The following BEND7 variants were observed in gnomAD, a reference collection of about 807,000 sequenced individuals.
BEND7 encodes the protein BEN domain containing 7.
A neutral mutation model predicts 50.9 loss-of-function variants in BEND7; 28 were observed. That is an observed-to-expected ratio of 0.55 (90% confidence interval 0.41 to 0.75). BEND7 has a LOEUF of 0.75. Among genes scored for constraint, BEND7 ranks in the 30% least tolerant of loss-of-function variants. The pLI is 0.00. For synonymous variants in BEND7, 170 were observed against 183.9 expected (o/e 0.92, Z 0.61); for missense variants, 477 against 491.3 (o/e 0.97, Z 0.28).
intron 2 of BEND7, among the ~76,000 whole-genome samples, chr10:13,506,605 T>C (rs181680869): frequency 6.6e-6 from 1 of 152,148 alleles, no homozygotes; most frequent in African/African-American, 2.4e-5. Flanking sequence ...CATATAAGGA[T>C]AGTAAATAAT....
At chr10:13,454,246 T>G (rs1011285987) in intron 6 of BEND7, among the ~76,000 whole-genome samples, 2 of 152,140 alleles carry the variant, frequency 1.3e-5, no homozygotes, top group African/African-American at 2.4e-5. Flanking sequence ...AGCACCCACA[T>G]GGAGATAGCA....
intron 5 of BEND7, among the ~76,000 whole-genome samples, chr10:13,485,713 A>C (rs187403322): frequency 6.6e-6 from 1 of 152,328 alleles, no homozygotes; most frequent in African/African-American, 2.4e-5. Flanking sequence ...AATGTGCTTC[A>C]GTTTAAGAAA....
At chr10:13,472,511 G>T (rs1044277530) in intron 6 of BEND7, among the ~76,000 whole-genome samples, 1 of 150,728 alleles carries the variant, frequency 6.6e-6, no homozygotes, top group East Asian at 2.0e-4. Flanking sequence ...CGTCATCATT[G>T]TTAGACTTGG....
intron 2 of BEND7, among the ~76,000 whole-genome samples, chr10:13,503,497 G>A (rs919402759): frequency 2.6e-5 from 4 of 152,172 alleles, no homozygotes; most frequent in African/African-American, 7.2e-5. Context: ...TGGATCACCC[G>A]AGATCTGGAA....
intron 8 of BEND7, chr10:13,445,307 C>G (rs755079060): frequency 5.9e-5 from 9 of 152,132 alleles, no homozygotes; most frequent in African/African-American, 1.7e-4. Flanking sequence ...TGCAGTGAAC[C>G]GGGCCGACTG....
intron 6 of BEND7, among the ~76,000 whole-genome samples, chr10:13,472,663 C>G (rs2074993453): frequency 6.6e-6 from 1 of 151,960 alleles, no homozygotes; most frequent in African/African-American, 2.4e-5. Flanking sequence ...TACCCATCAT[C>G]ACTGTTAGAC....
intron 5 of BEND7, among the ~76,000 whole-genome samples, chr10:13,487,388 C>CTTT (rs930230162): frequency 1.6e-5 from 2 of 122,798 alleles, no homozygotes; most frequent in South Asian, 4.7e-4. Context: ...CTTTTCTTTT[C>CTTT]TTTTTTTTTT....
intron 6 of BEND7, among the ~76,000 whole-genome samples, chr10:13,466,624 CATTT>C (rs2074277745): frequency 6.6e-6 from 1 of 151,890 alleles, no homozygotes; most frequent in Non-Finnish European, 1.5e-5. Context: ...TCGTATAACT[CATTT>C]ATTTATTTTA....
chr10:13,482,552 C>T (rs950841132), intron 5 of BEND7, among the ~76,000 whole-genome samples: 2 of 152,190 alleles, frequency 1.3e-5, no homozygotes, highest in African/African-American at 4.8e-5. Context: ...CACCTATGGT[C>T]AAAGTAAACA....
chr10:13,472,040 T>C (rs2074903127), intron 6 of BEND7, among the ~76,000 whole-genome samples: 2 of 152,190 alleles, frequency 1.3e-5, no homozygotes, highest in South Asian at 2.1e-4. Context: ...TCGATACCCG[T>C]CATCACTGTT....
At chr10:13,488,575 A>AC (rs2076413713) in intron 5 of BEND7, among the ~76,000 whole-genome samples, 2 of 151,096 alleles carry the variant, frequency 1.3e-5, no homozygotes, top group African/African-American at 4.9e-5. Context: ...GCAATCTTCG[A>AC]CTCCCGGGTT....
chr10:13,439,275 G>GT, downstream of BEND7: 1 of 1,614,222 alleles, frequency 6.2e-7, no homozygotes, highest in Non-Finnish European at 8.5e-7. Context: ...TGAGACCTGA[G>GT]TTATGAGGAA....
At chr10:13,518,442 C>A (rs2078855729) in intron 2 of BEND7, among the ~76,000 whole-genome samples, 1 of 152,216 alleles carries the variant, frequency 6.6e-6, no homozygotes, top group African/African-American at 2.4e-5. Context: ...GCTTTATGTC[C>A]TTAAATTAAG....
Position 13,441,362 on chromosome 10 carries a change from A to T in BEND7, c.*381T>A, listed in dbSNP as rs1364323050. On this transcript the variant is annotated 3_prime_UTR_variant, in exon 9 of 9. Transcript: ENST00000466271. The stretch of plus-strand genomic sequence containing the variant: ...ATAAAGACTGAACAGTAGTCACAGT[A>T]AGTAAACACAATTTTAATTTACAAA... 2.9e-6 allele frequency: 3 copies of T among 1,044,884 alleles called. No individual in the cohort carries two copies. 64.7% of individuals were successfully genotyped at this position (1,044,884 alleles called of 1,614,324 possible). A position where few individuals can be genotyped will look rare whatever the true frequency, so the allele number is the denominator to read the frequency against.
intron 6 of BEND7, among the ~76,000 whole-genome samples, chr10:13,470,320 C>G (rs889377084): frequency 2.6e-5 from 4 of 152,220 alleles, no homozygotes; most frequent in Non-Finnish European, 5.9e-5. Flanking sequence ...TCGACAGTGT[C>G]CACAACGGCA....
intron 7 of BEND7, among the ~76,000 whole-genome samples, chr10:13,451,784 G>A (rs1030820006): frequency 2.2e-5 from 2 of 92,358 alleles, no homozygotes; most frequent in African/African-American, 4.5e-5. Flanking sequence ...AACAGGCCCC[G>A]GTGTGTGATG....
chr10:13,452,099 C>A (rs551867159), intron 7 of BEND7, among the ~76,000 whole-genome samples: 2 of 152,310 alleles, frequency 1.3e-5, no homozygotes, highest in African/African-American at 4.8e-5. Context: ...ACCCATCCCC[C>A]ACTTAAAATC....
rs2079563272 is a variant in BEND7, at chr10:13,528,436, CCCGCTGCCTGCCCCCGCCGCCCCGGCGG to C, written c.61+9_61+36del. ...CCCGCGGGCGGCCGAGGGCGCGGCG[CCCGCTGCCTGCCCCCGCCGCCCCGGCGG>C]CCGCTTACCTCGGCTCACCAGTTTG... is the stretch of plus-strand genomic sequence containing the variant. On this transcript the variant is annotated intron_variant, in intron 1 of 8. Coordinates refer to ENST00000466271, the MANE Select transcript of BEND7 (RefSeq NM_001369863.1). 1.9e-5 allele frequency: 19 copies of C among 984,204 alleles called. No homozygotes were observed. Among genetic ancestry groups the C allele is most frequent in the Non-Finnish European group, 2.3e-5 (19 of 829,500 alleles). 61.0% of individuals were successfully genotyped at this position (984,204 alleles called of 1,614,324 possible). A position where few individuals can be genotyped will look rare whatever the true frequency, so the allele number is the denominator to read the frequency against.
Position 13,441,519 on chromosome 10 carries a change from A to G in BEND7, c.*224T>C. On this transcript the variant is annotated 3_prime_UTR_variant, in exon 9 of 9. Coordinates refer to ENST00000466271, the MANE Select transcript of BEND7 (RefSeq NM_001369863.1). ...ACCCCAAGCTGTGGCCCCGCCTTGG[A>G]AGGCAGTGCTTCTGAAGGTTCCCAG... 7.3e-7 allele frequency: 1 copy of G among 1,378,672 alleles called. No individual in the cohort carries two copies. Among genetic ancestry groups the G allele is most frequent in the Non-Finnish European group, 9.4e-7 (1 of 1,068,402 alleles). 85.4% of individuals were successfully genotyped at this position (1,378,672 alleles called of 1,614,324 possible).
Sources: gnomAD v4.1 joint callset for allele counts (sites outside exome capture counted in the v4.1 genomes callset) on GRCh38, gnomAD v4.1.1 for gene constraint, MANE v1.5 for transcripts, NCBI Gene and HGNC (gene_info 2026-07-23, HGNC 2026-07-21) for gene names.